NCALD: variants seen among roughly 807,000 people sequenced by gnomAD.
NCALD encodes neurocalcin-delta.
A neutral mutation model predicts 18.6 loss-of-function variants in NCALD; 10 were observed. The ratio of observed to expected loss-of-function variants is 0.54; its 90% confidence interval spans 0.33 to 0.91. NCALD has a LOEUF of 0.91. NCALD is among the 40% of genes least tolerant of loss of function. NCALD has a pLI of 0.03. For missense variants in NCALD, 184 were observed against 247.6 expected, an observed-to-expected ratio of 0.74 and a Z score of 1.72; for synonymous variants, 88 against 87.4, an observed-to-expected ratio of 1.01 and a Z score of -0.04.
intron 2 of NCALD, among the ~76,000 whole-genome samples, chr8:101,934,367 C>T (rs939061899): frequency 1.3e-5 from 2 of 151,838 alleles, no homozygotes; most frequent in African/African-American, 2.4e-5. Context: ...TCCAGGTACA[C>T]GAAATAGCAC....
chr8:101,927,832 C>G lies in NCALD; in HGVS notation c.-156-11974G>C, dbSNP rs189606740. Among the ~76,000 whole-genome samples the G allele has an allele frequency of 2.3e-4, 35 of 152,224 alleles. 1 individual carries two copies. In the East Asian group the frequency reaches 4.6e-3, roughly 20 times the overall value. The stretch of plus-strand genomic sequence containing the variant: ...CAGCTGCTCAGACCACAGGGGAGAG[C>G]CCAAACCCAAGCCAAAGTCAGGGCC... On this transcript the variant is annotated intron_variant, in intron 2 of 6. Transcript: ENST00000311028.
At chr8:101,871,930 T>C (rs1350644956) in intron 4 of NCALD, 12 of 717,712 alleles carry the variant, frequency 1.7e-5, no homozygotes, top group Non-Finnish European at 3.0e-5. Flanking sequence ...TTCCTCCAAG[T>C]CCGTCTTAAC....
intron 2 of NCALD, among the ~76,000 whole-genome samples, chr8:101,955,076 C>T (rs1237033523): frequency 1.3e-5 from 2 of 152,168 alleles, no homozygotes; most frequent in African/African-American, 2.4e-5. Flanking sequence ...CGCCACTCTC[C>T]CCTTCAGATC....
chr8:101,897,557 C>G (rs1817245978), intron 3 of NCALD, among the ~76,000 whole-genome samples: 1 of 152,002 alleles, frequency 6.6e-6, no homozygotes, highest in African/African-American at 2.4e-5. Context: ...AACCACTCAC[C>G]TATTGTAGGA....
chr8:101,712,817 C>A (rs374876351), intron 2 of NCALD, among the ~76,000 whole-genome samples: 1 of 152,258 alleles, frequency 6.6e-6, no homozygotes, highest in African/African-American at 2.4e-5. Flanking sequence ...TATACTCCCA[C>A]ACAATAATAG....
At chr8:101,911,866 C>A (rs1817813946) in intron 3 of NCALD, among the ~76,000 whole-genome samples, 1 of 152,104 alleles carries the variant, frequency 6.6e-6, no homozygotes, top group African/African-American at 2.4e-5. Context: ...ATGACATGAT[C>A]CAAACCCACA....
intron 4 of NCALD, among the ~76,000 whole-genome samples, chr8:101,846,846 A>G (rs1466179851): frequency 6.6e-6 from 1 of 152,174 alleles, no homozygotes; most frequent in Admixed American, 6.6e-5. Context: ...CTGGGACCAC[A>G]TTTTGAGAAC....
At chr8:101,802,478 G>C (rs1201224371) in intron 4 of NCALD, among the ~76,000 whole-genome samples, 1 of 152,070 alleles carries the variant, frequency 6.6e-6, no homozygotes, top group Non-Finnish European at 1.5e-5. Flanking sequence ...GCCAAGACAG[G>C]CTGAAAACTA....
In NCALD at chr8:101,719,461, G is replaced by A. The variant is rs1281517584; in HGVS notation, c.169C>T (p.Pro57Ser). ...EFKKIYGNFF[P>S]YGDASKFAEH... is the part of the protein sequence containing the mutation. ...GCAAATTTGGAAGCATCCCCATAAG[G>A]GAAAAAGTTCCCATATATTTTCTTA... Residue 57 changes from proline to serine, a missense_variant, in exon 2 of 4, where the codon CCT (proline) becomes TCT (serine). Coordinates refer to ENST00000220931, the MANE Select transcript of NCALD (RefSeq NM_032041.3). The A allele has an allele frequency of 6.2e-7, 1 of 1,613,986 alleles. No homozygotes were observed. The highest frequency in any genetic ancestry group is 8.5e-7 in the Non-Finnish European group (1 of 1,180,014).
intron 1 of NCALD, among the ~76,000 whole-genome samples, chr8:101,729,003 T>A (rs992644765): frequency 5.9e-5 from 9 of 152,258 alleles, no homozygotes; most frequent in Admixed American, 5.2e-4. Context: ...AAGTTGTGGA[T>A]GAAGAGGAGT....
intron 2 of NCALD, among the ~76,000 whole-genome samples, chr8:101,987,971 G>A (rs1179804167): frequency 6.6e-6 from 1 of 152,008 alleles, no homozygotes; most frequent in Non-Finnish European, 1.5e-5. Flanking sequence ...TGGCTAACAC[G>A]GTGAAACCCC....
chr8:102,035,213 A>G (rs974604198), intron 1 of NCALD, among the ~76,000 whole-genome samples: 1 of 150,638 alleles, frequency 6.6e-6, no homozygotes, highest in Admixed American at 6.6e-5. Flanking sequence ...TGCTGGAAGA[A>G]TCTCGGTGAC....
intron 2 of NCALD, among the ~76,000 whole-genome samples, chr8:101,995,537 C>T (rs57940153): frequency 6.6e-5 from 10 of 152,062 alleles, no homozygotes; most frequent in African/African-American, 2.2e-4. Flanking sequence ...CATCACATGG[C>T]GAAAACAGGA....
At chr8:102,003,703 G>A (rs569044147) in intron 2 of NCALD, among the ~76,000 whole-genome samples, 18 of 152,272 alleles carry the variant, frequency 1.2e-4, no homozygotes, top group African/African-American at 4.3e-4. Flanking sequence ...CTTCATCCCT[G>A]GGATGCAAGA....
intron 1 of NCALD, among the ~76,000 whole-genome samples, chr8:101,730,443 G>A (rs1368222094): frequency 8.2e-6 from 1 of 121,984 alleles, no homozygotes; most frequent in Non-Finnish European, 1.6e-5. Context: ...TCGTGCCACT[G>A]CACTCCAGCC....
intron 2 of NCALD, among the ~76,000 whole-genome samples, chr8:101,974,433 G>C (rs1820350784): frequency 6.6e-6 from 1 of 151,956 alleles, no homozygotes; most frequent in South Asian, 2.1e-4. Flanking sequence ...GGAAATTCTG[G>C]AGCCACCCCA....
intron 1 of NCALD, among the ~76,000 whole-genome samples, chr8:102,046,512 T>C (rs1477089548): frequency 1.3e-5 from 2 of 152,180 alleles, no homozygotes; most frequent in Non-Finnish European, 2.9e-5. Context: ...TTTATTTTTA[T>C]TTTATTTTTT....
intron 2 of NCALD, among the ~76,000 whole-genome samples, chr8:101,987,471 C>T (rs1820856570): frequency 6.6e-6 from 1 of 152,130 alleles, no homozygotes; most frequent in South Asian, 2.1e-4. Context: ...GCATCGTGCA[C>T]GTCTCTGGGC....
chr8:101,705,251 A>T (rs1273691241), intron 2 of NCALD, among the ~76,000 whole-genome samples: 1 of 151,894 alleles, frequency 6.6e-6, no homozygotes, highest in African/African-American at 2.4e-5. Flanking sequence ...AAATAAAATT[A>T]AAATAAAATT....
Sources: allele counts gnomAD v4.1 joint callset (sites outside exome capture counted in the v4.1 genomes callset), GRCh38; gene constraint gnomAD v4.1.1; transcripts MANE v1.5; gene names NCBI Gene and HGNC (gene_info 2026-07-23, HGNC 2026-07-21).